Variants in SOX5 observed in about 807,000 individuals in gnomAD.
SOX5 encodes transcription factor SOX-5.
In SOX5, 9 loss-of-function variants were observed where a neutral mutation model predicts 92.0. The ratio of observed to expected loss-of-function variants is 0.10; its 90% CI spans 0.06 to 0.17. The LOEUF is 0.17. Among genes scored for constraint, SOX5 ranks in the 10% least tolerant of loss-of-function variants. SOX5 has a pLI of 1.00. For synonymous variants in SOX5, 344 were observed against 336.3 expected (o/e 1.02, Z -0.25); for missense variants, 642 against 944.5 (o/e 0.68, Z 4.20).
chr12:24,474,855 T>C (rs1566255858), intron 1 of SOX5, among the ~76,000 whole-genome samples: 2 of 151,216 alleles, frequency 1.3e-5, no homozygotes, highest in Non-Finnish European at 2.9e-5. Context: ...AAATTCTTAG[T>C]GAGAGTTTTT....
chr12:23,701,893 C>A (rs910780197), intron 6 of SOX5, among the ~76,000 whole-genome samples: 5 of 152,014 alleles, frequency 3.3e-5, no homozygotes, highest in African/African-American at 1.2e-4. Flanking sequence ...TTCTTTACCT[C>A]CAAAGATATA....
At chr12:23,570,925 AAAAAAATATATATATATATATATATATAT>A (rs1173872966) in intron 10 of SOX5, among the ~76,000 whole-genome samples, 980 of 35,728 alleles carry the variant, frequency 0.027, 95 homozygotes, top group Non-Finnish European at 0.038. Flanking sequence ...AAAAAAAAAA[AAAAAAATATATATATATATATATATATAT>A]ATATATATAT....
At chr12:24,026,396 G>C (rs914994781) in intron 4 of SOX5, among the ~76,000 whole-genome samples, 2 of 151,856 alleles carry the variant, frequency 1.3e-5, no homozygotes, top group Non-Finnish European at 2.9e-5. Context: ...AATCCCACTG[G>C]TACTGTGGAT....
At chr12:24,265,430 G>A (rs746273950) in intron 3 of SOX5, among the ~76,000 whole-genome samples, 4 of 152,154 alleles carry the variant, frequency 2.6e-5, no homozygotes, top group Non-Finnish European at 5.9e-5. Context: ...TTCAGTCTTA[G>A]CTATTTGTGA....
At chr12:23,753,313 T>C (rs918035017) in intron 4 of SOX5, among the ~76,000 whole-genome samples, 2 of 151,588 alleles carry the variant, frequency 1.3e-5, no homozygotes, top group Non-Finnish European at 3.0e-5. Flanking sequence ...CACTTGGCTA[T>C]AGTATGAAAT....
Position 24,333,614 on chromosome 12 carries a change from TA to T in SOX5, c.-174+34948del, listed in dbSNP as rs377293339. On this transcript the variant is annotated intron_variant, in intron 2 of 4. Coordinates refer to the SOX5 transcript ENST00000446891. ...CTTAACAGCAAAAACTCTTAGGAAA[TA>T]AAAAATAGAAGTATGTAATTCCTTA... 7.8e-4 allele frequency among the ~76,000 whole-genome samples: 119 copies of T among 151,972 alleles called. No individual in the cohort carries two copies. The East Asian group carries it at 0.018, about 23-fold the overall frequency.
At chr12:24,546,254 T>A (rs1226565992) in intron 1 of SOX5, among the ~76,000 whole-genome samples, 1 of 152,186 alleles carries the variant, frequency 6.6e-6, no homozygotes, top group Non-Finnish European at 1.5e-5. Context: ...TATTAATACA[T>A]CACTGAATAT....
At chr12:24,173,841 A>T (rs1447992110) in intron 4 of SOX5, among the ~76,000 whole-genome samples, 1 of 152,170 alleles carries the variant, frequency 6.6e-6, no homozygotes, top group East Asian at 1.9e-4. Context: ...CCGGATATTC[A>T]TCCAGTTACT....
intron 1 of SOX5, among the ~76,000 whole-genome samples, chr12:24,467,401 T>C (rs1944342448): frequency 6.6e-6 from 1 of 152,160 alleles, no homozygotes; most frequent in Admixed American, 6.5e-5. Context: ...CAATGGGAAA[T>C]GACTTCCTGG....
chr12:24,205,516 T>C (rs1350615225), intron 4 of SOX5, among the ~76,000 whole-genome samples: 1 of 152,152 alleles, frequency 6.6e-6, no homozygotes, highest in East Asian at 1.9e-4. Flanking sequence ...TAGATCATGA[T>C]AAAAGGGAGT....
intron 5 of SOX5, among the ~76,000 whole-genome samples, chr12:23,737,275 C>A (rs2093635674): frequency 6.6e-6 from 1 of 151,990 alleles, no homozygotes; most frequent in African/African-American, 2.4e-5. Flanking sequence ...CCTGAGAGTA[C>A]TTTTTAAAAT....
At chr12:24,500,473 A>C (rs1948085675) in intron 1 of SOX5, among the ~76,000 whole-genome samples, 1 of 152,206 alleles carries the variant, frequency 6.6e-6, no homozygotes, top group Non-Finnish European at 1.5e-5. Context: ...AGTTTAAAAT[A>C]ACACTTGTAT....
rs116263415 is a variant in SOX5, at chr12:23,988,623, G to A, written c.-1-92599C>T. On this transcript the variant is annotated intron_variant, in intron 4 of 4. Coordinates refer to the SOX5 transcript ENST00000446891. ...TTAATATGATTGTATTATTTCCATC[G>A]GAAGTGCTATAAGTTAGGTATAGAA... 7.1e-3 allele frequency among the ~76,000 whole-genome samples: 1,079 copies of A among 152,198 alleles called. 15 individuals carry two copies. The highest frequency in any genetic ancestry group is 0.024 in the African/African-American group (1,003 of 41,536).
At chr12:24,389,094 T>C (rs1365111444) in intron 1 of SOX5, among the ~76,000 whole-genome samples, 1 of 152,088 alleles carries the variant, frequency 6.6e-6, no homozygotes, top group Non-Finnish European at 1.5e-5. Context: ...CTCCTAAAGC[T>C]ATCCCTCCCC....
chr12:24,365,566 A>G (rs1956079625), intron 2 of SOX5, among the ~76,000 whole-genome samples: 1 of 151,770 alleles, frequency 6.6e-6, no homozygotes, highest in Admixed American at 6.6e-5. Flanking sequence ...AAGTGACTTC[A>G]TCAACATGTT....
chr12:24,139,618 C>T (rs11047277), intron 4 of SOX5, among the ~76,000 whole-genome samples: 33 of 152,258 alleles, frequency 2.2e-4, no homozygotes, highest in Admixed American at 3.9e-4. Context: ...AAGAACGGAC[C>T]GCTTCAATCT....
At chr12:24,284,248 C>A (rs573842981) in intron 2 of SOX5, among the ~76,000 whole-genome samples, 1 of 152,242 alleles carries the variant, frequency 6.6e-6, no homozygotes, top group South Asian at 2.1e-4. Context: ...GTCTTGCCAG[C>A]CACTCTGCTT....
chr12:23,560,152 C>A (rs1202365145), intron 11 of SOX5, among the ~76,000 whole-genome samples: 1 of 152,062 alleles, frequency 6.6e-6, no homozygotes, highest in African/African-American at 2.4e-5. Flanking sequence ...CTCGTGATCC[C>A]CCCGCCTCGG....
At chr12:23,595,397 C>T (rs546239533) in intron 9 of SOX5, among the ~76,000 whole-genome samples, 6 of 151,826 alleles carry the variant, frequency 4.0e-5, no homozygotes, top group East Asian at 1.9e-4. Context: ...CCGAGGCCGG[C>T]GGATCATGAG....
Sources: allele counts gnomAD v4.1 joint callset (sites outside exome capture counted in the v4.1 genomes callset), GRCh38; gene constraint gnomAD v4.1.1; transcripts MANE v1.5; gene names NCBI Gene and HGNC (gene_info 2026-07-23, HGNC 2026-07-21).